EXT1: variants seen among roughly 807,000 people sequenced by gnomAD.
EXT1 encodes the protein exostosin-1.
EXT1 carries 20 observed loss-of-function variants against 82.5 expected under a neutral mutation model. That is an observed-to-expected ratio of 0.24 (90% CI 0.17 to 0.35). EXT1 has a LOEUF of 0.35. Among genes scored for constraint, EXT1 ranks in the 10% least tolerant of loss-of-function variants. EXT1 has a pLI of 1.00. For synonymous variants in EXT1, 348 were observed against 350.8 expected, an observed-to-expected ratio of 0.99 and a Z score of 0.09; for missense variants, 757 against 936.5, an observed-to-expected ratio of 0.81 and a Z score of 2.50.
chr8:118,050,217 A>G (rs1165412493), intron 1 of EXT1, among the ~76,000 whole-genome samples: 2 of 152,210 alleles, frequency 1.3e-5, no homozygotes, highest in African/African-American at 4.8e-5. Flanking sequence ...AGAGGACCTG[A>G]GGTAAGGCAA....
rs7818822 is a variant in EXT1 at position 117,833,548 on chromosome 8, G to C, written c.1164+1896C>G. ...AAGAATCGCTTAAACCCGGGAGGTG[G>C]AGGTTGCAGTGAGCTGAGATCATGC... On this transcript the variant is annotated intron_variant, in intron 3 of 10. Coordinates refer to ENST00000378204, the MANE Select transcript of EXT1 (RefSeq NM_000127.3). Among the ~76,000 whole-genome samples, 621 of 152,102 alleles carry C rather than the reference G, an allele frequency of 4.1e-3. 8 individuals are homozygous for C. The highest frequency in any genetic ancestry group is 0.014 in the African/African-American group (592 of 41,458).
chr8:117,838,225 C>A (rs1274627128), intron 1 of EXT1, among the ~76,000 whole-genome samples: 1 of 152,164 alleles, frequency 6.6e-6, no homozygotes, highest in Non-Finnish European at 1.5e-5. Context: ...CAATGCTGAG[C>A]AGACAGGTGT....
intron 1 of EXT1, among the ~76,000 whole-genome samples, chr8:117,970,345 A>G (rs1450192808): frequency 6.7e-6 from 1 of 150,136 alleles, no homozygotes; most frequent in Non-Finnish European, 1.5e-5. Context: ...ACTCTGTCAC[A>G]CAGGCTGGAG....
chr8:117,980,701 T>TTTTTTTG (rs1815176535), intron 1 of EXT1, among the ~76,000 whole-genome samples: 3 of 19,894 alleles, frequency 1.5e-4, no homozygotes, highest in Non-Finnish European at 1.6e-4. Flanking sequence ...GTTGGTGGTT[T>TTTTTTTG]TTTTTTTTTT....
chr8:118,067,860 C>T (rs954653374), intron 1 of EXT1, among the ~76,000 whole-genome samples: 1 of 152,166 alleles, frequency 6.6e-6, no homozygotes. Flanking sequence ...AGGGCTGGAT[C>T]AACAGAGTGA....
intron 1 of EXT1, among the ~76,000 whole-genome samples, chr8:118,001,727 C>A (rs1022475951): frequency 6.6e-6 from 1 of 151,986 alleles, no homozygotes; most frequent in Non-Finnish European, 1.5e-5. Flanking sequence ...ATTTTATAAA[C>A]CAGTGATTCC....
intron 10 of EXT1, among the ~76,000 whole-genome samples, chr8:117,802,908 A>G (rs892042176): frequency 5.9e-5 from 9 of 152,202 alleles, no homozygotes; most frequent in African/African-American, 2.2e-4. Context: ...ATAACTTTTT[A>G]TAAACTTTAA....
Position 117,822,533 on chromosome 8 carries a change from C to G in EXT1, c.1349G>C (p.Gly450Ala). The change falls in exon 5 of 11, where the codon GGA becomes GCA. Residue 450 changes from glycine (G) to alanine (A), a missense_variant. By Grantham distance (60) the Gly-to-Ala change is moderately conservative (BLOSUM62 0). Coordinates refer to ENST00000378204, the MANE Select transcript of EXT1 (RefSeq NM_000127.3). ...ATACTGTGGTAGTACGAACAATCCTCCAGGATGTTTGTTCCATATTAAACT... is the reference window on the plus strand; with the variant it reads ...ATACTGTGGTAGTACGAACAATCCTGCAGGATGTTTGTTCCATATTAAACT... ...RNSLIWNKHP[G>A]GLFVLPQYSS... The G allele has an allele frequency of 6.2e-7, 1 of 1,613,198 alleles. No individual in the cohort carries two copies.
intron 1 of EXT1, among the ~76,000 whole-genome samples, chr8:117,936,598 G>C (rs1358778195): frequency 6.6e-6 from 1 of 152,220 alleles, no homozygotes; most frequent in African/African-American, 2.4e-5. Flanking sequence ...TGAGGGGCCA[G>C]GCCCGGAGGC....
At chr8:117,846,679 G>A (rs1812367404) in intron 1 of EXT1, among the ~76,000 whole-genome samples, 1 of 152,096 alleles carries the variant, frequency 6.6e-6, no homozygotes, top group African/African-American at 2.4e-5. Context: ...GAAGCCTGAG[G>A]TCATTATCTT....
intron 1 of EXT1, among the ~76,000 whole-genome samples, chr8:117,928,597 A>G (rs544205564): frequency 6.6e-6 from 1 of 152,338 alleles, no homozygotes; most frequent in South Asian, 2.1e-4. Context: ...TGATAATCAC[A>G]GCAATAACAT....
At chr8:117,874,226 A>G (rs1414242162) in intron 1 of EXT1, among the ~76,000 whole-genome samples, 1 of 152,196 alleles carries the variant, frequency 6.6e-6, no homozygotes, top group Non-Finnish European at 1.5e-5. Context: ...TTATGAATAT[A>G]TATTGTCAAG....
chr8:117,951,373 G>A (rs1814488409), intron 1 of EXT1, among the ~76,000 whole-genome samples: 1 of 152,180 alleles, frequency 6.6e-6, no homozygotes, highest in South Asian at 2.1e-4. Flanking sequence ...AATGGCATAA[G>A]CAGACTCCTG....
intron 1 of EXT1, among the ~76,000 whole-genome samples, chr8:118,054,032 T>C (rs1383137631): frequency 6.6e-6 from 1 of 152,164 alleles, no homozygotes; most frequent in African/African-American, 2.4e-5. Context: ...TGGCATCCAG[T>C]GGGTGGAGGC....
intron 1 of EXT1, among the ~76,000 whole-genome samples, chr8:117,929,180 G>T (rs1814004349): frequency 1.3e-5 from 2 of 152,182 alleles, no homozygotes; most frequent in African/African-American, 4.8e-5. Context: ...CTGTCTATGG[G>T]CTAAGCCTGA....
At chr8:117,995,943 G>A (rs1200577932) in intron 1 of EXT1, among the ~76,000 whole-genome samples, 1 of 152,156 alleles carries the variant, frequency 6.6e-6, no homozygotes, top group African/African-American at 2.4e-5. Context: ...AATGGACTGG[G>A]TACCTGGAAC....
At chr8:117,923,653 G>A (rs1239880347) in intron 1 of EXT1, among the ~76,000 whole-genome samples, 1 of 150,426 alleles carries the variant, frequency 6.6e-6, no homozygotes, top group Non-Finnish European at 1.5e-5. Flanking sequence ...GTGAACCCGG[G>A]AGGTGGAGCT....
intron 1 of EXT1, among the ~76,000 whole-genome samples, chr8:118,016,392 CA>C (rs1816004440): frequency 6.6e-6 from 1 of 151,756 alleles, no homozygotes. Context: ...GACTCTGTCT[CA>C]AAAATAAATA....
chr8:117,799,163 G>A lies in EXT1; in HGVS notation c.*549C>T, dbSNP rs1215992807. 6.4e-6 allele frequency: 1 copy of A among 157,198 alleles called. No homozygotes were observed. The highest frequency in any genetic ancestry group is 1.4e-5 in the Non-Finnish European group (1 of 71,244). The allele number at this position is 157,198 out of a possible 1,614,324, so 9.7% of individuals were successfully genotyped here. A position where few individuals can be genotyped will look rare whatever the true frequency, so the allele number is the denominator to read the frequency against. On this transcript the variant is annotated 3_prime_UTR_variant, in exon 11 of 11. Transcript: ENST00000378204. Reference sequence around the variant, plus strand: ...GTTCAAGTGGATTTGAAGATTCGAAGTGGAAAACAATTTGCACTGGCAAAG... The same window carrying A: ...GTTCAAGTGGATTTGAAGATTCGAAATGGAAAACAATTTGCACTGGCAAAG...
Sources: allele counts gnomAD v4.1 joint callset (sites outside exome capture counted in the v4.1 genomes callset), GRCh38; gene constraint gnomAD v4.1.1; transcripts MANE v1.5; gene names NCBI Gene and HGNC (gene_info 2026-07-23, HGNC 2026-07-21).